Variants in PLXNB2 observed in about 807,000 individuals in gnomAD.
PLXNB2 encodes the protein plexin-B2.
In PLXNB2, 85 loss-of-function variants were observed where a neutral mutation model predicts 202.6. That is an observed-to-expected ratio of 0.42 (90% CI 0.35 to 0.50). The LOEUF (loss-of-function observed/expected upper bound fraction) is 0.50. PLXNB2 is among the 20% of genes least tolerant of loss of function. PLXNB2 has a pLI of 0.02. For missense variants in PLXNB2, 2,063 were observed against 2,586.2 expected (o/e 0.80, Z 4.39); for synonymous variants, 1,239 against 1,137.6 (o/e 1.09, Z -1.79).
chr22:50,277,004 A>G (rs1289851571), intron 33 of PLXNB2, 98 bp from the exon 34 acceptor site: 5 of 822,038 alleles, frequency 6.1e-6, no homozygotes, highest in South Asian at 5.9e-5. Context: ...AACTCCTGAC[A>G]CTTTCATCAA....
chr22:50,281,027 C>A, intron 23 of PLXNB2, 54 bp from the exon 24 acceptor site: 2 of 1,598,874 alleles, frequency 1.3e-6, no homozygotes, highest in Non-Finnish European at 1.7e-6. Flanking sequence ...CTGACCCCCA[C>A]GCTACACACA....
In PLXNB2 at chr22:50,289,474, C is replaced by T. The variant is rs376556544; in HGVS notation, c.1068+43G>A. ...TGGGACACGCAAACCCACGAACGGACGCCTGCAGTCCGGGCCCTGCGAGAA... is the reference window on the plus strand; with the variant it reads ...TGGGACACGCAAACCCACGAACGGATGCCTGCAGTCCGGGCCCTGCGAGAA... On this transcript the variant is annotated intron_variant, in intron 3 of 36. Transcript: ENST00000359337. The surrounding 1 kb of genome is among the most constrained non-coding windows in gnomAD (Gnocchi z 8.0). 115 of 1,535,344 alleles carry T rather than the reference C, an allele frequency of 7.5e-5. No homozygotes were observed. The East Asian group carries it at 1.1e-3, about 15-fold the overall frequency.
Position 50,279,639 on chromosome 22 carries a change from G to A in PLXNB2, c.4380C>T (p.Tyr1460=), listed in dbSNP as rs780069040. ...DTGLLGDDVE[Y]APLTVSVIVQ... The stretch of plus-strand genomic sequence containing the variant: ...CACCCCAGAAGCTCACCAGGGGTGC[G>A]TACTCCACATCATCCCCCAGCAGCC... The change falls in exon 27 of 37, where the codon TAC becomes TAT. Residue 1460 remains tyrosine (Y), a synonymous_variant. Coordinates refer to ENST00000359337, the MANE Select transcript of PLXNB2 (RefSeq NM_012401.4). 6.8e-6 allele frequency: 11 copies of A among 1,613,550 alleles called. No individual in the cohort carries two copies. Among genetic ancestry groups the A allele is most frequent in the Middle Eastern group, 1.6e-4 (1 of 6,080 alleles).
intron 2 of PLXNB2, among the ~76,000 whole-genome samples, chr22:50,290,953 C>T (rs181791620): frequency 6.6e-6 from 1 of 152,312 alleles, no homozygotes; most frequent in East Asian, 1.9e-4. Context: ...TTCATGCCCC[C>T]TGACCTGTGA....
chr22:50,280,818 G>A lies in PLXNB2; in HGVS notation c.3919C>T (p.Pro1307Ser), dbSNP rs1279245268. 1.9e-6 allele frequency: 3 copies of A among 1,613,294 alleles called. No homozygotes were observed. Among genetic ancestry groups the A allele is most frequent in the Admixed American group, 3.3e-5 (2 of 60,020 alleles). Residue 1307 changes from proline to serine, a missense_variant, in exon 24 of 37, where the codon CCG (proline) becomes TCG (serine). Pro to Ser is a moderately conservative substitution (Grantham distance 74). This residue lies in a region of PLXNB2 where 760 missense variants were observed against 1,109.4 expected (regional missense o/e 0.69). Coordinates refer to ENST00000359337, the MANE Select transcript of PLXNB2 (RefSeq NM_012401.4). ...MITGKLDIPEPRRPVVEQALY... is the reference protein window; with the variant it reads ...MITGKLDIPESRRPVVEQALY... ...GCCTGCTCCACCACCGGCCGCCGCG[G>A]CTCAGGGATGTCCAGCTTGCCGGTG... is the stretch of plus-strand genomic sequence containing the variant.
At chr22:50,292,745 C>G (rs1005887869) in intron 2 of PLXNB2, among the ~76,000 whole-genome samples, 1 of 152,176 alleles carries the variant, frequency 6.6e-6, no homozygotes, top group Non-Finnish European at 1.5e-5. Context: ...GGCAACCCCC[C>G]GTTCTGATTG....
Position 50,289,672 on chromosome 22 carries a change from C to A in PLXNB2, c.913G>T (p.Gly305Trp), listed in dbSNP as rs769456290. Residue 305 changes from glycine to tryptophan, a missense_variant, in exon 3 of 37, where the codon GGG becomes TGG. This residue lies in a region of PLXNB2 where 1,303 missense variants were observed against 1,476.8 expected (regional missense o/e 0.88). Transcript: ENST00000359337. This position sits in a 1 kb window ranked among gnomAD's most constrained non-coding sequence, Gnocchi z 8.0. ...AVFSRDSRSS[G>W]GPGAGLCLFP... Reference sequence around the variant, plus strand: ...AGGCAGAGGCCCGCACCGGGCCCCCCACTGCTCCGGCTGTCTCTGCTGAAG... The same window carrying A: ...AGGCAGAGGCCCGCACCGGGCCCCCAACTGCTCCGGCTGTCTCTGCTGAAG... The A allele has an allele frequency of 8.7e-6, 14 of 1,610,088 alleles. No individual in the cohort carries two copies. Among genetic ancestry groups the A allele is most frequent in the Middle Eastern group, 1.6e-4 (1 of 6,082 alleles).
rs1021932299 is a variant in PLXNB2 at position 50,287,381 on chromosome 22, G to A, written c.1609-117C>T. The A allele has an allele frequency of 5.0e-5, 59 of 1,174,962 alleles. No individual in the cohort carries two copies. In the African/African-American group the frequency reaches 6.4e-4, roughly 13 times the overall value. The allele number at this position is 1,174,962 out of a possible 1,614,324, so 72.8% of individuals were successfully genotyped here. A position where few individuals can be genotyped will look rare whatever the true frequency, so the allele number is the denominator to read the frequency against. On this transcript the variant is annotated intron_variant, in intron 7 of 36. Transcript: ENST00000359337. Reference sequence around the variant, plus strand: ...CGTCCCAGTGGAGCCTCCAGAACCCGACTCCACGTCTTCCAATACAGGCCT... The same window carrying A: ...CGTCCCAGTGGAGCCTCCAGAACCCAACTCCACGTCTTCCAATACAGGCCT...
chr22:50,305,142 G>A (rs1321956172), intron 1 of PLXNB2, among the ~76,000 whole-genome samples: 3 of 152,232 alleles, frequency 2.0e-5, no homozygotes, highest in East Asian at 1.9e-4. Context: ...CCCTGCCCAC[G>A]CCCGCGTCCC....
chr22:50,277,764 A>C, intron 32 of PLXNB2, 26 bp from the exon 33 acceptor site: 1 of 1,585,902 alleles, frequency 6.3e-7, no homozygotes, highest in Non-Finnish European at 8.6e-7. Context: ...AGGGAATGAG[A>C]GCCGGGGCTG....
rs551086988 is a variant in PLXNB2 at position 50,278,044 on chromosome 22, G to A, written c.4888-31C>T. The A allele has an allele frequency of 4.0e-4, 638 of 1,603,134 alleles. 7 individuals are homozygous for A. In the South Asian group the frequency reaches 5.9e-3, roughly 15 times the overall value. ...GGGGGGAGGGTCTCAGCGTGACGCCGTGGGCGCGGCTCCTGGGGGGGAGGG... is the reference window on the plus strand; with the variant it reads ...GGGGGGAGGGTCTCAGCGTGACGCCATGGGCGCGGCTCCTGGGGGGGAGGG... On this transcript the variant is annotated intron_variant, in intron 31 of 36. Transcript: ENST00000359337.
At position 50,276,825 on chromosome 22, in the gene PLXNB2, A is replaced by C. The variant is rs2065634275; in HGVS notation, c.5261+17T>G. 6.2e-7 allele frequency: 1 copy of C among 1,604,822 alleles called. No homozygotes were observed. The highest frequency in any genetic ancestry group is 8.5e-7 in the Non-Finnish European group (1 of 1,173,880). On this transcript the variant is annotated intron_variant, in intron 34 of 36. Transcript: ENST00000359337. ...GGGTGGGCATGGGGGCCTGGCCTGG[A>C]GGGCAGGCAGACTTACTCCTCCACC...
At position 50,281,345 on chromosome 22, in the gene PLXNB2, G is replaced by A. The variant is rs200366239; in HGVS notation, c.3662+15C>T. 1.5e-5 allele frequency: 24 copies of A among 1,610,128 alleles called. No individual in the cohort carries two copies. Among genetic ancestry groups the A allele is most frequent in the Admixed American group, 1.0e-4 (6 of 59,802 alleles). On this transcript the variant is annotated intron_variant, in intron 22 of 36. Transcript: ENST00000359337. ...GAGGGCTCAGGGTGTTGGCACAGCC[G>A]GGGGGCGGGCTCACCAGTAGCAGTA... is the stretch of plus-strand genomic sequence containing the variant.
In PLXNB2 at chr22:50,288,854, A is replaced by G. The variant is rs770698601; in HGVS notation, c.1269T>C (p.Asp423=). ...GRILKVYLTP[D]GTSSEYDSIL... ...TAGAGTCGTACTCTGAGGAGGTGCC[A>G]TCTGGGGTGAGGTACACCTGTGTGC... The change falls in exon 5 of 37, where the codon GAT becomes GAC. Residue 423 remains aspartate (D), a synonymous_variant. Coordinates refer to ENST00000359337, the MANE Select transcript of PLXNB2 (RefSeq NM_012401.4). This position sits in a 1 kb window ranked among gnomAD's most constrained non-coding sequence, Gnocchi z 5.0. 1.2e-6 allele frequency: 2 copies of G among 1,613,410 alleles called. No homozygotes were observed. Among genetic ancestry groups the G allele is most frequent in the Non-Finnish European group, 1.7e-6 (2 of 1,179,948 alleles).
intron 34 of PLXNB2, 29 bp from the exon 35 acceptor site, chr22:50,276,733 G>C: frequency 6.2e-7 from 1 of 1,609,298 alleles, no homozygotes; most frequent in Non-Finnish European, 8.5e-7. Flanking sequence ...CATACAGTGT[G>C]GGCGGCAGGG....
chr22:50,291,107 C>T lies in PLXNB2; in HGVS notation c.-13-510G>A, dbSNP rs894765981. On this transcript the variant is annotated intron_variant, in intron 2 of 36. Coordinates refer to ENST00000359337, the MANE Select transcript of PLXNB2 (RefSeq NM_012401.4). The surrounding 1 kb of genome is among the most constrained non-coding windows in gnomAD (Gnocchi z 4.3). ...GGGAAACCAGAGGCTCAGGTGAGAG[C>T]GAGGGGTGCCCTGTGCATAGCCCAG... Among the ~76,000 whole-genome samples, 4 of 152,124 alleles carry T rather than the reference C, an allele frequency of 2.6e-5. No homozygotes were observed. Among genetic ancestry groups the T allele is most frequent in the African/African-American group, 7.2e-5 (3 of 41,424 alleles).
Position 50,282,888 on chromosome 22 carries a change from G to A in PLXNB2, c.2817-7C>T. ...CTGCGCCCCAAACTTCGTCCTGGGG[G>A]AGGGAGGGTGCTGGTCTGCATCAAC... On this transcript the variant is annotated splice_region_variant and splice_polypyrimidine_tract_variant and intron_variant, in intron 17 of 36. Transcript: ENST00000359337. The A allele has an allele frequency of 6.2e-7, 1 of 1,606,082 alleles. No homozygotes were observed. The highest frequency in any genetic ancestry group is 1.3e-5 in the African/African-American group (1 of 74,882).
chr22:50,300,531 C>T (rs538045070), intron 1 of PLXNB2, among the ~76,000 whole-genome samples: 1 of 152,162 alleles, frequency 6.6e-6, no homozygotes, highest in African/African-American at 2.4e-5. Context: ...CGGCACAACC[C>T]GACCTAGGAG....
At chr22:50,281,825 C>T in intron 20 of PLXNB2, 29 bp downstream of exon 20, 1 of 1,599,320 alleles carries the variant, frequency 6.3e-7, no homozygotes, top group Non-Finnish European at 8.5e-7. Flanking sequence ...CGAGCAGGAC[C>T]CAGACACCCG....
Sources: allele counts gnomAD v4.1 joint callset (sites outside exome capture counted in the v4.1 genomes callset), GRCh38; gene constraint gnomAD v4.1.1; regional missense constraint gnomAD v4.1.1; non-coding constraint Gnocchi (gnomAD v3.1); transcripts MANE v1.5; gene names NCBI Gene and HGNC (gene_info 2026-07-23, HGNC 2026-07-21).